Variants in C6 observed in about 807,000 individuals in gnomAD.
C6 encodes the protein complement C6.
In C6, 101 loss-of-function variants were observed where a neutral mutation model predicts 112.9. The observed-to-expected ratio is 0.89, with a 90% CI of 0.76 to 1.06. The LOEUF (loss-of-function observed/expected upper bound fraction) is 1.06, where lower values mean the gene tolerates loss of function less well. Ranked by LOEUF, C6 falls within the 50% of genes least tolerant of loss-of-function variation. The pLI is 0.00. For synonymous variants in C6, 431 were observed against 384.1 expected (o/e 1.12, Z -1.43); for missense variants, 1,202 against 1,104.6 (o/e 1.09, Z -1.25).
At chr5:41,171,926 C>T (rs1748455119) in intron 9 of C6, among the ~76,000 whole-genome samples, 3 of 152,078 alleles carry the variant, frequency 2.0e-5, no homozygotes, top group African/African-American at 7.2e-5. Flanking sequence ...TTGTAAGGTC[C>T]TGGTTCACAG....
intron 1 of C6, among the ~76,000 whole-genome samples, chr5:41,205,792 G>C (rs897407257): frequency 5.3e-5 from 8 of 152,194 alleles, no homozygotes; most frequent in African/African-American, 1.7e-4. Context: ...CACCTCTGGG[G>C]GCAGGCATAG....
At chr5:41,244,641 T>A (rs866924324) in intron 1 of C6, among the ~76,000 whole-genome samples, 2 of 152,110 alleles carry the variant, frequency 1.3e-5, no homozygotes, top group Non-Finnish European at 2.9e-5. Flanking sequence ...TCAACCACTG[T>A]CCCCCTTGGA....
intron 12 of C6, 89 bp downstream of exon 12, chr5:41,158,993 C>T (rs1370716255): frequency 1.4e-6 from 2 of 1,441,524 alleles, no homozygotes; most frequent in African/African-American, 2.8e-5. Context: ...TATTTCTTTA[C>T]TTAGCAGTAG....
chr5:41,236,935 A>G (rs925794250), intron 1 of C6, among the ~76,000 whole-genome samples: 1 of 151,080 alleles, frequency 6.6e-6, no homozygotes, highest in Non-Finnish European at 1.5e-5. Flanking sequence ...ACCATCAGAG[A>G]ATACTACAAA....
chr5:41,197,196 G>A (rs1750683746), intron 4 of C6, among the ~76,000 whole-genome samples: 1 of 151,998 alleles, frequency 6.6e-6, no homozygotes, highest in Non-Finnish European at 1.5e-5. Context: ...TCACTTAGAA[G>A]GTAGAGTGTA....
chr5:41,202,019 C>T (rs1751070669), intron 2 of C6, among the ~76,000 whole-genome samples: 1 of 152,088 alleles, frequency 6.6e-6, no homozygotes, highest in Non-Finnish European at 1.5e-5. Context: ...TGTGTGGCTG[C>T]ACATGTTACA....
rs545692715 is a variant in C6, at chr5:41,233,228, T to C, written c.-21+27966A>G. Among the ~76,000 whole-genome samples the C allele has an allele frequency of 1.8e-4, 28 of 152,254 alleles. No individual in the cohort carries two copies. The South Asian group carries it at 5.8e-3, about 32-fold the overall frequency. ...TCTTATCTGTAAAATAGGGAAATGATAACTGCTCTAACTACTCATTCTGGT... is the reference window on the plus strand; with the variant it reads ...TCTTATCTGTAAAATAGGGAAATGACAACTGCTCTAACTACTCATTCTGGT... On this transcript the variant is annotated intron_variant, in intron 1 of 17. Coordinates refer to the C6 transcript ENST00000263413.
chr5:41,144,387 C>G (rs142566040), intron 17 of C6, among the ~76,000 whole-genome samples: 101 of 152,204 alleles, frequency 6.6e-4, no homozygotes, highest in African/African-American at 2.1e-3. Flanking sequence ...CCCACCTTAG[C>G]CACCCAAGTA....
At position 41,159,412 on chromosome 5, in the gene C6, G is replaced by C. The variant is rs1015550312; in HGVS notation, c.1685-159C>G. 13 of 977,542 alleles carry C rather than the reference G, an allele frequency of 1.3e-5. No homozygotes were observed. The East Asian group carries it at 4.6e-4, about 34-fold the overall frequency. 60.6% of individuals were successfully genotyped at this position (977,542 alleles called of 1,614,324 possible). ...ATTAAAAGAAATTACCTGTGCAAGGGGCCTGACACATTGCCTGATTTCCTT... is the reference window on the plus strand; with the variant it reads ...ATTAAAAGAAATTACCTGTGCAAGGCGCCTGACACATTGCCTGATTTCCTT... On this transcript the variant is annotated intron_variant, in intron 11 of 17. Coordinates refer to ENST00000337836, the MANE Select transcript of C6 (RefSeq NM_000065.5).
At chr5:41,160,683 C>T (rs1747404667) in intron 10 of C6, among the ~76,000 whole-genome samples, 1 of 151,952 alleles carries the variant, frequency 6.6e-6, no homozygotes, top group South Asian at 2.1e-4. Context: ...GATAGGTGAC[C>T]AAGAGTTAGG....
intron 9 of C6, among the ~76,000 whole-genome samples, chr5:41,171,922 G>A (rs943040873): frequency 2.6e-5 from 4 of 152,018 alleles, no homozygotes; most frequent in African/African-American, 7.2e-5. Context: ...TACTTTGTAA[G>A]GTCCTGGTTC....
chr5:41,189,029 C>T (rs984664429), intron 5 of C6, among the ~76,000 whole-genome samples: 39 of 151,810 alleles, frequency 2.6e-4, no homozygotes, highest in African/African-American at 9.2e-4. Context: ...TGAAAAAATG[C>T]TCAAAGTTAT....
chr5:41,190,993 G>A (rs116404253), intron 5 of C6, among the ~76,000 whole-genome samples: 62 of 148,878 alleles, frequency 4.2e-4, no homozygotes, highest in African/African-American at 1.5e-3. Context: ...TGTGCTGCTT[G>A]GGTTACCATA....
intron 1 of C6, among the ~76,000 whole-genome samples, chr5:41,259,408 G>A (rs570623864): frequency 1.3e-5 from 2 of 151,700 alleles, no homozygotes; most frequent in African/African-American, 4.8e-5. Flanking sequence ...AAGCAATGAT[G>A]TCCAGGCTCT....
At chr5:41,144,850 C>G (rs182141323) in intron 17 of C6, among the ~76,000 whole-genome samples, 15 of 152,180 alleles carry the variant, frequency 9.9e-5, no homozygotes, top group South Asian at 4.1e-4. Flanking sequence ...GTTTTCTGTT[C>G]TTGTATTAGT....
intron 1 of C6, among the ~76,000 whole-genome samples, chr5:41,209,946 T>A (rs76254287): frequency 0.88 from 133,719 of 152,182 alleles, 58,860 homozygotes; most frequent in Admixed American, 0.93. Context: ...TGGAGGCATC[T>A]TGCTACCTGA....
In C6 at chr5:41,153,858, C is replaced by T. The variant is rs1227812789; in HGVS notation, c.2242G>A (p.Gly748Arg). The T allele has an allele frequency of 2.5e-6, 4 of 1,613,640 alleles. No individual in the cohort carries two copies. The highest frequency in any genetic ancestry group is 3.3e-5 in the Admixed American group (2 of 59,972). The change falls in exon 15 of 18, where the codon GGG becomes AGG. Residue 748 changes from glycine to arginine, a missense_variant. Transcript: ENST00000337836. The stretch of plus-strand genomic sequence containing the variant: ...GAAATGGGTGGTGTCCAGGAATTCC[C>T]CTGGCATGTGTACCTTGATGGCCCA... ...VAGPSRYTCQ[G>R]NSWTPPISNS... is the part of the protein sequence containing the mutation.
At chr5:41,214,423 T>A (rs1752117941), upstream of C6, among the ~76,000 whole-genome samples, 3 of 152,168 alleles carry the variant, frequency 2.0e-5, no homozygotes, top group Admixed American at 6.6e-5. Context: ...GGTCACATAG[T>A]TTAATATACA....
intron 1 of C6, among the ~76,000 whole-genome samples, chr5:41,258,601 G>A (rs554602657): frequency 6.6e-6 from 1 of 152,228 alleles, no homozygotes; most frequent in South Asian, 2.1e-4. Flanking sequence ...ATATTGAACA[G>A]GTCTTAGAGG....
Sources: gnomAD v4.1 joint callset for allele counts (sites outside exome capture counted in the v4.1 genomes callset) on GRCh38, gnomAD v4.1.1 for gene constraint, MANE v1.5 for transcripts, NCBI Gene and HGNC (gene_info 2026-07-23, HGNC 2026-07-21) for gene names.